KAZN: variants seen among roughly 807,000 people sequenced by gnomAD.
The protein encoded by KAZN is kazrin, periplakin interacting protein, also known as kazrin.
A neutral mutation model predicts 87.4 loss-of-function variants in KAZN; 40 were observed. That is an observed-to-expected ratio of 0.46 (90% CI 0.36 to 0.60). The LOEUF (loss-of-function observed/expected upper bound fraction) is 0.60. KAZN is among the 20% of genes least tolerant of loss of function. KAZN has a pLI of 0.00. For synonymous variants in KAZN, 466 were observed against 458.3 expected (o/e 1.02, Z -0.22); for missense variants, 898 against 1,073.9 (o/e 0.84, Z 2.29).
At chr1:14,701,241 CT>C (rs1641903948) in intron 1 of KAZN, among the ~76,000 whole-genome samples, 1 of 152,192 alleles carries the variant, frequency 6.6e-6, no homozygotes, top group Admixed American at 6.5e-5. Context: ...CCACCTCAGC[CT>C]CCTGAGTAGC....
At chr1:14,822,588 A>G (rs1442855412) in intron 1 of KAZN, among the ~76,000 whole-genome samples, 1 of 152,174 alleles carries the variant, frequency 6.6e-6, no homozygotes, top group Non-Finnish European at 1.5e-5. Flanking sequence ...GTCCCTGTGC[A>G]GTAGTTCAAA....
chr1:14,837,613 C>T (rs549141223), intron 1 of KAZN, among the ~76,000 whole-genome samples: 3 of 146,672 alleles, frequency 2.0e-5, no homozygotes, highest in African/African-American at 5.1e-5. Context: ...AGTGCAATAG[C>T]GCAATCATAG....
intron 1 of KAZN, among the ~76,000 whole-genome samples, chr1:14,782,045 T>C (rs539987877): frequency 6.4e-4 from 98 of 152,342 alleles, no homozygotes; most frequent in African/African-American, 2.1e-3. Flanking sequence ...GGAACCTGTC[T>C]GTCAGATCTT....
intron 2 of KAZN, among the ~76,000 whole-genome samples, chr1:14,966,738 C>T (rs1217068081): frequency 1.3e-5 from 2 of 152,140 alleles, no homozygotes; most frequent in African/African-American, 2.4e-5. Flanking sequence ...GTGGCGCCAT[C>T]TCAGCTCACT....
intron 1 of KAZN, among the ~76,000 whole-genome samples, chr1:14,172,086 G>T (rs1339370): frequency 0.12 from 18,717 of 152,146 alleles, 1,273 homozygotes; most frequent in East Asian, 0.33. Flanking sequence ...AATACAAGTT[G>T]CTTTAAATTT....
intron 1 of KAZN, among the ~76,000 whole-genome samples, chr1:13,918,702 T>C (rs1230284343): frequency 6.6e-6 from 1 of 152,246 alleles, no homozygotes; most frequent in Non-Finnish European, 1.5e-5. Context: ...TTTTAAGAAA[T>C]GGCCACAGCC....
chr1:14,185,599 C>T (rs1646287442), intron 2 of KAZN, among the ~76,000 whole-genome samples: 1 of 152,166 alleles, frequency 6.6e-6, no homozygotes, highest in African/African-American at 2.4e-5. Context: ...ATAACTCTTA[C>T]AAGCCCTCTT....
chr1:13,907,088 C>T (rs995083639), intron 1 of KAZN, among the ~76,000 whole-genome samples: 4 of 152,164 alleles, frequency 2.6e-5, no homozygotes, highest in African/African-American at 7.2e-5. Context: ...TTTGTTCCTG[C>T]CTCTTTTGAT....
chr1:14,638,677 G>T (rs1680195402), intron 1 of KAZN, among the ~76,000 whole-genome samples: 1 of 152,182 alleles, frequency 6.6e-6, no homozygotes, highest in Non-Finnish European at 1.5e-5. Flanking sequence ...GCAGGCAGCA[G>T]GGAGATGGGC....
chr1:13,965,936 G>T (rs1370015091), intron 1 of KAZN, among the ~76,000 whole-genome samples: 2 of 152,168 alleles, frequency 1.3e-5, no homozygotes, highest in Non-Finnish European at 2.9e-5. Context: ...CCTGCAAGAA[G>T]GGCTGGGTCC....
intron 2 of KAZN, among the ~76,000 whole-genome samples, chr1:14,509,418 T>C (rs1461831555): frequency 6.6e-6 from 1 of 152,218 alleles, no homozygotes; most frequent in Admixed American, 6.5e-5. Context: ...CAGTGTGGCA[T>C]GTCCATGATG....
chr1:14,782,554 C>CAAAAAAAAAAAAAA (rs71572122), intron 1 of KAZN, among the ~76,000 whole-genome samples: 86 of 66,266 alleles, frequency 1.3e-3, no homozygotes, highest in East Asian at 3.1e-3. Context: ...CCTCAAAGAG[C>CAAAAAAAAAAAAAA]AAAAAAAAAA....
At chr1:13,974,505 G>A (rs1638222904) in intron 1 of KAZN, among the ~76,000 whole-genome samples, 1 of 152,184 alleles carries the variant, frequency 6.6e-6, no homozygotes, top group Non-Finnish European at 1.5e-5. Context: ...GGATTATCTG[G>A]GTGGGACCTA....
intron 2 of KAZN, among the ~76,000 whole-genome samples, chr1:14,334,977 A>T (rs1471263610): frequency 6.6e-6 from 1 of 152,144 alleles, no homozygotes; most frequent in South Asian, 2.1e-4. Flanking sequence ...AGATAGATAT[A>T]GGCAGACACT....
chr1:14,785,236 A>C (rs976176385), intron 1 of KAZN, among the ~76,000 whole-genome samples: 2 of 152,178 alleles, frequency 1.3e-5, no homozygotes, highest in Admixed American at 1.3e-4. Context: ...ACTGGGAAGC[A>C]AGCAAGGCAG....
At chr1:14,973,950 A>G (rs531337183) in intron 2 of KAZN, among the ~76,000 whole-genome samples, 1 of 151,948 alleles carries the variant, frequency 6.6e-6, no homozygotes, top group East Asian at 1.9e-4. Flanking sequence ...GGGATTTGGC[A>G]GGGCTCAGCT....
At chr1:14,127,707 A>G (rs1478069443) in intron 1 of KAZN, among the ~76,000 whole-genome samples, 2 of 152,150 alleles carry the variant, frequency 1.3e-5, no homozygotes, top group Non-Finnish European at 2.9e-5. Flanking sequence ...TACGAGAGAA[A>G]GGCTGTTCCT....
intron 2 of KAZN, among the ~76,000 whole-genome samples, chr1:14,409,809 C>T (rs1259682316): frequency 6.6e-6 from 1 of 152,114 alleles, no homozygotes; most frequent in Non-Finnish European, 1.5e-5. Flanking sequence ...AAAGAACTAT[C>T]TGAAAGATAG....
At chr1:13,969,946 A>C (rs1290112911) in intron 1 of KAZN, among the ~76,000 whole-genome samples, 1 of 152,240 alleles carries the variant, frequency 6.6e-6, no homozygotes, top group Non-Finnish European at 1.5e-5. Flanking sequence ...ATAGAAGAAG[A>C]AGCCAAAGCT....
Sources: allele counts gnomAD v4.1 joint callset (sites outside exome capture counted in the v4.1 genomes callset), GRCh38; gene constraint gnomAD v4.1.1; transcripts MANE v1.5; gene names NCBI Gene and HGNC (gene_info 2026-07-23, HGNC 2026-07-21).